The following HTT variants were observed in gnomAD, a reference collection of about 807,000 sequenced individuals.
The protein encoded by HTT is huntington disease protein.
In HTT, 104 loss-of-function variants were observed where a neutral mutation model predicts 362.3. The ratio of observed to expected loss-of-function variants is 0.29; its 90% CI spans 0.24 to 0.34. The LOEUF (loss-of-function observed/expected upper bound fraction) is 0.34, where lower values mean the gene tolerates loss of function less well. Ranked by LOEUF, HTT falls within the 10% of genes least tolerant of loss-of-function variation. The pLI is 1.00. For synonymous variants in HTT, 1,577 were observed against 1,548.7 expected (o/e 1.02, Z -0.43); for missense variants, 3,301 against 3,928.6 (o/e 0.84, Z 4.27).
chr4:3,243,130 G>A lies in HTT; in HGVS notation c.*3071G>A, dbSNP rs868864554. 6.6e-6 allele frequency: 1 copy of A among 152,622 alleles called. No individual in the cohort carries two copies. Among genetic ancestry groups the A allele is most frequent in the Admixed American group, 6.5e-5 (1 of 15,280 alleles). 9.5% of individuals were successfully genotyped at this position (152,622 alleles called of 1,614,324 possible). A position where few individuals can be genotyped will look rare whatever the true frequency, so the allele number is the denominator to read the frequency against. On this transcript the variant is annotated 3_prime_UTR_variant, in exon 67 of 67. Coordinates refer to ENST00000355072, the MANE Select transcript of HTT (RefSeq NM_001388492.1). ...CTCTTGGAGCTGAGATGAGCCCCAC[G>A]TGGAGCTCGGGACGGATAGTAGACA...
intron 33 of HTT, 56 bp from the exon 34 acceptor site, chr4:3,177,276 T>A: frequency 8.3e-7 from 1 of 1,209,724 alleles, no homozygotes; most frequent in Non-Finnish European, 1.2e-6. Flanking sequence ...AAAAGAAGCC[T>A]GGTTTTTACA....
chr4:3,212,644 A>G lies in HTT; in HGVS notation c.6709A>G (p.Ser2237Gly). The G allele has an allele frequency of 6.2e-7, 1 of 1,614,240 alleles. No individual in the cohort carries two copies. Among genetic ancestry groups the G allele is most frequent in the African/African-American group, 1.3e-5 (1 of 75,056 alleles). Reference sequence around the variant, plus strand: ...CCTGGTGGTGGTCTCCAAACTGCCCAGTCATTTGCACCTTCCTCCTGAGAA... The same window carrying G: ...CCTGGTGGTGGTCTCCAAACTGCCCGGTCATTTGCACCTTCCTCCTGAGAA... ...QYLVVVSKLP[S>G]HLHLPPEKEK... Residue 2237 changes from serine to glycine, a missense_variant, in exon 49 of 67, where the codon AGT (serine) becomes GGT (glycine). This residue lies in a region of HTT where 220 missense variants were observed against 218.5 expected (regional missense o/e 1.01). Transcript: ENST00000355072.
At chr4:3,097,819 A>G (rs1418449288) in intron 2 of HTT, among the ~76,000 whole-genome samples, 3 of 152,194 alleles carry the variant, frequency 2.0e-5, no homozygotes, top group Non-Finnish European at 2.9e-5. Flanking sequence ...AAATGTAAAA[A>G]TCAATATTTA....
chr4:3,085,591 C>T (rs998972475), intron 1 of HTT, among the ~76,000 whole-genome samples: 1 of 152,204 alleles, frequency 6.6e-6, no homozygotes, highest in Non-Finnish European at 1.5e-5. Context: ...TAGAACAAGT[C>T]AGTTTGAGTT....
At chr4:3,144,105 G>A (rs980505198) in intron 23 of HTT, among the ~76,000 whole-genome samples, 45 of 151,962 alleles carry the variant, frequency 3.0e-4, no homozygotes, top group Admixed American at 2.6e-3. Flanking sequence ...GGGTATAGTC[G>A]GATTTCAGTT....
intron 64 of HTT, among the ~76,000 whole-genome samples, chr4:3,237,370 G>A (rs916459785): frequency 3.3e-5 from 5 of 152,140 alleles, no homozygotes; most frequent in African/African-American, 4.8e-5. Flanking sequence ...CACTGCGCCC[G>A]GCCCCCATGT....
rs531564011 is a variant in HTT at position 3,236,563 on chromosome 4, C to T, written c.8891+309C>T. On this transcript the variant is annotated intron_variant, in intron 64 of 66. Transcript: ENST00000355072. Reference sequence around the variant, plus strand: ...GTGGCAGGGGGCAGGAATGACCAGCCTCTGGGAGGGTGGGGCAGAAGCCTG... The same window carrying T: ...GTGGCAGGGGGCAGGAATGACCAGCTTCTGGGAGGGTGGGGCAGAAGCCTG... Among the ~76,000 whole-genome samples, 13 of 152,258 alleles carry T rather than the reference C, an allele frequency of 8.5e-5. No homozygotes were observed. In the East Asian group the frequency reaches 2.1e-3, roughly 25 times the overall value.
intron 29 of HTT, among the ~76,000 whole-genome samples, chr4:3,169,748 A>AT (rs2110228594): frequency 6.6e-6 from 1 of 152,080 alleles, no homozygotes; most frequent in African/African-American, 2.4e-5. Flanking sequence ...TAATTTGTGT[A>AT]TTTTTATTAG....
intron 28 of HTT, among the ~76,000 whole-genome samples, chr4:3,157,920 T>C (rs541401616): frequency 6.6e-6 from 1 of 152,204 alleles, no homozygotes; most frequent in Non-Finnish European, 1.5e-5. Context: ...CATAGTTCTC[T>C]AGTTTCAGTA....
chr4:3,096,460 A>G (rs1220862563), intron 2 of HTT, among the ~76,000 whole-genome samples: 1 of 152,260 alleles, frequency 6.6e-6, no homozygotes, highest in African/African-American at 2.4e-5. Flanking sequence ...GATAGAGCAG[A>G]TGCTGGGCCA....
intron 54 of HTT, 33 bp downstream of exon 54, chr4:3,222,520 G>A (rs1454010144): frequency 6.6e-7 from 1 of 1,518,770 alleles, no homozygotes; most frequent in Non-Finnish European, 9.1e-7. Flanking sequence ...TTGGCACATG[G>A]GCAGTTATGG....
At chr4:3,121,554 T>C (rs1198594966) in intron 9 of HTT, 122 bp downstream of exon 9, 16 of 660,136 alleles carry the variant, frequency 2.4e-5, no homozygotes, top group African/African-American at 1.3e-4. Flanking sequence ...CCAAAACTTA[T>C]AATACAAATT....
chr4:3,094,314 T>A (rs1217516285), intron 2 of HTT, among the ~76,000 whole-genome samples: 1 of 152,244 alleles, frequency 6.6e-6, no homozygotes, highest in African/African-American at 2.4e-5. Context: ...TATGTCTACT[T>A]CTTTCTACGC....
chr4:3,109,938 G>A (rs1439627654), intron 6 of HTT, among the ~76,000 whole-genome samples: 1 of 152,168 alleles, frequency 6.6e-6, no homozygotes, highest in Non-Finnish European at 1.5e-5. Flanking sequence ...GTGTTGGCTT[G>A]TGCTGGGGCC....
At chr4:3,162,988 A>G (rs1041236747) in intron 29 of HTT, among the ~76,000 whole-genome samples, 63 of 152,188 alleles carry the variant, frequency 4.1e-4, no homozygotes, top group Non-Finnish European at 3.1e-4. Flanking sequence ...GAGAGAGGGC[A>G]TCCTTGTCTT....
intron 29 of HTT, among the ~76,000 whole-genome samples, chr4:3,169,251 C>T (rs1318541848): frequency 6.6e-6 from 1 of 152,116 alleles, no homozygotes; most frequent in Non-Finnish European, 1.5e-5. Context: ...ATCTCCTGAC[C>T]TCGTGATCTG....
In HTT at chr4:3,241,491, C is replaced by T. The variant is rs362267; in HGVS notation, c.*1432C>T. 0.24 allele frequency: 37,258 copies of T among 152,266 alleles called. 5,625 individuals are homozygous for T. The highest frequency in any genetic ancestry group is 0.35 in the East Asian group (1,808 of 5,152). The allele number at this position is 152,266 out of a possible 1,614,324, so 9.4% of individuals were successfully genotyped here. ...AGCTGGATTTGGGAGCTCTGCTTGC[C>T]GACTGGCTGTGAGACGAGGCAGGGG... On this transcript the variant is annotated 3_prime_UTR_variant, in exon 67 of 67. Coordinates refer to ENST00000355072, the MANE Select transcript of HTT (RefSeq NM_001388492.1).
rs555205332 is a variant in HTT at position 3,174,811 on chromosome 4, C to T, written c.4245+12C>T. 13 of 1,612,686 alleles carry T rather than the reference C, an allele frequency of 8.1e-6. No individual in the cohort carries two copies. Among genetic ancestry groups the T allele is most frequent in the South Asian group, 4.4e-5 (4 of 90,944 alleles). ...ACCGTGCAGATAAGGTAAATGGTGCCGTTTGTGGCATGTGAACTCAGGCGT... is the reference window on the plus strand; with the variant it reads ...ACCGTGCAGATAAGGTAAATGGTGCTGTTTGTGGCATGTGAACTCAGGCGT... On this transcript the variant is annotated intron_variant, in intron 32 of 66. Transcript: ENST00000355072.
chr4:3,209,642 G>A (rs757723708), intron 46 of HTT, among the ~76,000 whole-genome samples, 185 bp from the exon 47 acceptor site: 6 of 152,152 alleles, frequency 3.9e-5, no homozygotes, highest in Non-Finnish European at 2.9e-5. Flanking sequence ...GCCCAGGCAG[G>A]TAACAGAAGT....
Sources: gnomAD v4.1 joint callset for allele counts (sites outside exome capture counted in the v4.1 genomes callset) on GRCh38, gnomAD v4.1.1 for gene constraint, gnomAD v4.1.1 regional missense constraint, MANE v1.5 for transcripts, NCBI Gene and HGNC (gene_info 2026-07-23, HGNC 2026-07-21) for gene names.